DST: variants seen among roughly 807,000 people sequenced by gnomAD.
DST encodes dystonin, also known as bullous pemphigoid antigen.
DST carries 253 observed loss-of-function variants against 875.2 expected under a neutral mutation model. The ratio of observed to expected loss-of-function variants is 0.29; its 90% CI spans 0.26 to 0.32. DST has a LOEUF of 0.32. Ranked by LOEUF, DST falls within the 10% of genes least tolerant of loss-of-function variation. The probability of loss-of-function intolerance (pLI) is 1.00; values close to 1 mark genes in which losing one functional copy is unlikely to be tolerated. For synonymous variants in DST, 3,124 were observed against 3,197.1 expected (o/e 0.98, Z 0.77); for missense variants, 8,287 against 9,111.6 (o/e 0.91, Z 3.68).
At chr6:56,594,244 C>T (rs2098333784) in intron 47 of DST, 51 bp from the exon 48 acceptor site, 1 of 1,438,180 alleles carries the variant, frequency 7.0e-7, no homozygotes, top group Non-Finnish European at 9.2e-7. Context: ...GGGGTAACAC[C>T]TGCAGGGAGC....
At chr6:56,931,063 G>A (rs1809958695) in intron 2 of DST, among the ~76,000 whole-genome samples, 1 of 152,184 alleles carries the variant, frequency 6.6e-6, no homozygotes, top group African/African-American at 2.4e-5. Context: ...GCATAAATTA[G>A]GTTGATGTGA....
chr6:56,591,485 G>C (rs906661605), intron 49 of DST, among the ~76,000 whole-genome samples: 3 of 152,256 alleles, frequency 2.0e-5, no homozygotes, highest in Admixed American at 1.3e-4. Context: ...TAATATTCTA[G>C]GTGCTGTGAA....
At position 56,527,671 on chromosome 6, in the gene DST, G is replaced by A; in HGVS notation, c.17744C>T (p.Thr5915Ile). The change falls in exon 68 of 104, where the codon ACT becomes ATT. Residue 5915 changes from threonine (T) to isoleucine (I), a missense_variant. This residue lies in a region of DST where 777 missense variants were observed against 764.8 expected (regional missense o/e 1.02). Coordinates refer to ENST00000680361, the MANE Select transcript of DST (RefSeq NM_001374736.1). ...EAIKARYKDITKLSTDVAKTL... is the reference protein window; with the variant it reads ...EAIKARYKDIIKLSTDVAKTL... The stretch of plus-strand genomic sequence containing the variant: ...CTTGGCCACATCAGTGCTCAGTTTA[G>A]TAATGTCTTTGTACCTTGCTTTAAT... The A allele has an allele frequency of 6.2e-7, 1 of 1,613,694 alleles. No homozygotes were observed. The highest frequency in any genetic ancestry group is 8.5e-7 in the Non-Finnish European group (1 of 1,179,796).
chr6:56,819,477 C>T (rs566150043), intron 4 of DST, among the ~76,000 whole-genome samples: 4 of 152,216 alleles, frequency 2.6e-5, no homozygotes, highest in South Asian at 2.1e-4. Flanking sequence ...TTATATACAA[C>T]GGCATACATT....
chr6:56,501,501 GAA>G lies in DST; in HGVS notation c.19740+17_19740+18del. On this transcript the variant is annotated intron_variant, in intron 79 of 103. Coordinates refer to ENST00000680361, the MANE Select transcript of DST (RefSeq NM_001374736.1). Reference sequence around the variant, plus strand: ...AAATTGAAAATTTATAATTTCTTAAGAAAAGTCTTGGTATTTACCTGTCTGTT... The same window carrying G: ...AAATTGAAAATTTATAATTTCTTAAGAAGTCTTGGTATTTACCTGTCTGTT... 4 of 1,459,216 alleles carry G rather than the reference GAA, an allele frequency of 2.7e-6. No individual in the cohort carries two copies. The highest frequency in any genetic ancestry group is 3.6e-6 in the Non-Finnish European group (4 of 1,104,770). The allele number at this position is 1,459,216 out of a possible 1,614,324, so 90.4% of individuals were successfully genotyped here. A position where few individuals can be genotyped will look rare whatever the true frequency, so the allele number is the denominator to read the frequency against.
rs116605289 is a variant in DST, at chr6:56,639,122, T to C, written c.2964+137A>G. ...GAGAACTGAAGGCAATCAGTACAATTTGTCAGAAACATTTCTGAGCCAGGT... is the reference window on the plus strand; with the variant it reads ...GAGAACTGAAGGCAATCAGTACAATCTGTCAGAAACATTTCTGAGCCAGGT... On this transcript the variant is annotated intron_variant, in intron 22 of 103. Coordinates refer to ENST00000680361, the MANE Select transcript of DST (RefSeq NM_001374736.1). The C allele has an allele frequency of 1.9e-3, 1,487 of 763,018 alleles. 14 individuals carry two copies. The African/African-American group carries it at 0.023, about 12-fold the overall frequency. The allele number at this position is 763,018 out of a possible 1,614,324, so 47.3% of individuals were successfully genotyped here. A position where few individuals can be genotyped will look rare whatever the true frequency, so the allele number is the denominator to read the frequency against.
chr6:56,502,619 T>A (rs1459044605), intron 78 of DST, among the ~76,000 whole-genome samples: 1 of 152,062 alleles, frequency 6.6e-6, no homozygotes, highest in Non-Finnish European at 1.5e-5. Context: ...CTAACCAGGC[T>A]GCTATATAAA....
At chr6:56,471,734 A>G (rs1334295718) in intron 94 of DST, 4 of 398,390 alleles carry the variant, frequency 1.0e-5, no homozygotes, top group African/African-American at 2.0e-5. Flanking sequence ...GATCTGAAAT[A>G]TAAAAGATTA....
chr6:56,601,422 A>C, intron 44 of DST, 21 bp downstream of exon 44: 1 of 1,497,842 alleles, frequency 6.7e-7, no homozygotes, highest in Non-Finnish European at 9.1e-7. Context: ...ATGAATGCCA[A>C]CTCCACGAAG....
At chr6:56,519,592 A>G (rs2096657911) in intron 69 of DST, among the ~76,000 whole-genome samples, 1 of 152,136 alleles carries the variant, frequency 6.6e-6, no homozygotes, top group Non-Finnish European at 1.5e-5. Context: ...CAGGATCTTC[A>G]TCATCACTCA....
At chr6:56,528,485 C>T (rs2096840286) in intron 67 of DST, among the ~76,000 whole-genome samples, 1 of 152,156 alleles carries the variant, frequency 6.6e-6, no homozygotes, top group African/African-American at 2.4e-5. Flanking sequence ...TGTGTCACTG[C>T]AATGCGATCT....
At chr6:56,585,304 C>A (rs1402575533) in intron 49 of DST, among the ~76,000 whole-genome samples, 2 of 152,132 alleles carry the variant, frequency 1.3e-5, no homozygotes, top group Non-Finnish European at 1.5e-5. Flanking sequence ...GATTCAACTT[C>A]TTCCTGGTTT....
At position 56,639,323 on chromosome 6, in the gene DST, T is replaced by A. The variant is rs768131560; in HGVS notation, c.2900A>T (p.Lys967Ile). Residue 967 changes from lysine (K) to isoleucine (I), a missense_variant, in exon 22 of 104, where the codon AAA becomes ATA. Physicochemically the swap from Lys to Ile is moderately radical, Grantham distance 102 (BLOSUM62 -3). Coordinates refer to ENST00000680361, the MANE Select transcript of DST (RefSeq NM_001374736.1). ...CTGCTCTGCTATCTCCTGAACTGAT[T>A]TAATATTTTCTTCCTTTTGATCAAG... is the stretch of plus-strand genomic sequence containing the variant. ...RELDQKEENI[K>I]SVQEIAEQLL... 6.2e-7 allele frequency: 1 copy of A among 1,613,798 alleles called. No homozygotes were observed.
At chr6:56,849,488 A>G (rs1449730961) in intron 4 of DST, among the ~76,000 whole-genome samples, 2 of 152,146 alleles carry the variant, frequency 1.3e-5, no homozygotes, top group African/African-American at 4.8e-5. Context: ...CCTGCCACCA[A>G]CTTCACAGCT....
At chr6:56,703,804 G>T in intron 6 of DST, 58 bp from the exon 7 acceptor site, 1 of 556,282 alleles carries the variant, frequency 1.8e-6, no homozygotes, top group Non-Finnish European at 2.3e-6. Context: ...GACCAGAAAT[G>T]AAAAGAAGAG....
intron 61 of DST, among the ~76,000 whole-genome samples, chr6:56,548,402 T>C (rs1437607670): frequency 2.0e-5 from 3 of 152,226 alleles, no homozygotes; most frequent in East Asian, 1.9e-4. Context: ...TCATGCAATA[T>C]GGTGATAATG....
At chr6:56,914,079 C>G (rs1414111769) in intron 2 of DST, among the ~76,000 whole-genome samples, 1 of 152,070 alleles carries the variant, frequency 6.6e-6, no homozygotes, top group Non-Finnish European at 1.5e-5. Context: ...TGAAATTGCC[C>G]TACACTCTTA....
At chr6:56,917,573 ATT>A (rs966998144) in intron 2 of DST, among the ~76,000 whole-genome samples, 9 of 152,158 alleles carry the variant, frequency 5.9e-5, no homozygotes, top group African/African-American at 2.2e-4. Flanking sequence ...CTTTGAAGAG[ATT>A]TTTGTTACCT....
chr6:56,706,993 A>G (rs2099343649), intron 5 of DST, among the ~76,000 whole-genome samples: 1 of 152,204 alleles, frequency 6.6e-6, no homozygotes, highest in Admixed American at 6.5e-5. Context: ...CAACAGAGTG[A>G]GATTCTGTCT....
Sources: allele counts gnomAD v4.1 joint callset (sites outside exome capture counted in the v4.1 genomes callset), GRCh38; gene constraint gnomAD v4.1.1; regional missense constraint gnomAD v4.1.1; transcripts MANE v1.5; gene names NCBI Gene and HGNC (gene_info 2026-07-23, HGNC 2026-07-21).